Variants in GPC5 observed in about 807,000 individuals in gnomAD.
GPC5 encodes glypican 5.
In GPC5, 47 loss-of-function variants were observed where a neutral mutation model predicts 53.9. The observed-to-expected ratio is 0.87, with a 90% CI of 0.69 to 1.11. GPC5 has a LOEUF of 1.11. GPC5 is among the 50% of genes most tolerant of loss of function. GPC5 has a pLI of 0.00. For missense variants in GPC5, 748 were observed against 713.1 expected (o/e 1.05, Z -0.56); for synonymous variants, 286 against 263.3 (o/e 1.09, Z -0.84).
At chr13:92,494,054 GT>G (rs10589362) in intron 7 of GPC5, among the ~76,000 whole-genome samples, 435 of 148,552 alleles carry the variant, frequency 2.9e-3, no homozygotes, top group Non-Finnish European at 5.2e-3. Flanking sequence ...ATTACTTTGT[GT>G]TTTTTTTTGT....
chr13:91,489,582 T>C (rs896731805), intron 2 of GPC5, among the ~76,000 whole-genome samples: 2 of 152,242 alleles, frequency 1.3e-5, no homozygotes, highest in African/African-American at 2.4e-5. Context: ...TAGTGAATGT[T>C]CATAGAAACC....
In GPC5 at chr13:91,407,925, C is replaced by G. The variant is rs78986342; in HGVS notation, c.163+8716C>G. 2.8e-3 allele frequency among the ~76,000 whole-genome samples: 419 copies of G among 152,136 alleles called. 2 individuals are homozygous for G. Among genetic ancestry groups the G allele is most frequent in the African/African-American group, 9.4e-3 (392 of 41,486 alleles). ...TCTTTTTAAAAAATTTATTTTAAAT[C>G]GACAGATAAAATTGGGTGTATTTAC... On this transcript the variant is annotated intron_variant, in intron 1 of 7. Transcript: ENST00000377067.
At chr13:91,575,621 C>T (rs188918511) in intron 2 of GPC5, among the ~76,000 whole-genome samples, 142 of 152,104 alleles carry the variant, frequency 9.3e-4, no homozygotes, top group East Asian at 3.3e-3. Context: ...TGCTGTATGA[C>T]GTTTAATTCA....
At chr13:92,434,395 T>G (rs1473176386) in intron 7 of GPC5, among the ~76,000 whole-genome samples, 1 of 152,078 alleles carries the variant, frequency 6.6e-6, no homozygotes, top group Non-Finnish European at 1.5e-5. Context: ...CAATAGAATG[T>G]TTTTTTCTTC....
intron 7 of GPC5, among the ~76,000 whole-genome samples, chr13:92,513,429 G>A (rs1344202096): frequency 6.6e-6 from 1 of 150,548 alleles, no homozygotes; most frequent in East Asian, 2.0e-4. Context: ...CTGTTCCTGT[G>A]TATTTTTCCA....
At chr13:92,265,522 T>C (rs890429297) in intron 7 of GPC5, among the ~76,000 whole-genome samples, 81 of 152,302 alleles carry the variant, frequency 5.3e-4, no homozygotes, top group African/African-American at 1.9e-3. Flanking sequence ...TGGCCTTTCC[T>C]GTCCACATTT....
At chr13:92,305,141 T>G (rs1229637252) in intron 7 of GPC5, among the ~76,000 whole-genome samples, 1 of 152,168 alleles carries the variant, frequency 6.6e-6, no homozygotes, top group Non-Finnish European at 1.5e-5. Context: ...AATGTCCTAT[T>G]GTCATCAGAA....
intron 1 of GPC5, among the ~76,000 whole-genome samples, chr13:91,439,486 T>A (rs964605954): frequency 3.9e-5 from 6 of 152,272 alleles, no homozygotes; most frequent in Non-Finnish European, 8.8e-5. Flanking sequence ...AGTTTATATT[T>A]TCAATCTGCA....
In GPC5 at chr13:92,675,140, T is replaced by A. The variant is rs1344119801; in HGVS notation, c.1562-191142T>A. Reference sequence around the variant, plus strand: ...TTTAGATAGGAATATCTGATATATATCTTTCAGAAATTATCAGAGAGTTAT... The same window carrying A: ...TTTAGATAGGAATATCTGATATATAACTTTCAGAAATTATCAGAGAGTTAT... On this transcript the variant is annotated intron_variant, in intron 7 of 7. Coordinates refer to ENST00000377067, the MANE Select transcript of GPC5 (RefSeq NM_004466.6). 4.0e-5 allele frequency among the ~76,000 whole-genome samples: 6 copies of A among 148,462 alleles called. No individual in the cohort carries two copies. In the South Asian group the frequency reaches 8.9e-4, roughly 22 times the overall value.
intron 7 of GPC5, among the ~76,000 whole-genome samples, chr13:92,758,973 G>A (rs1419061248): frequency 7.6e-6 from 1 of 131,328 alleles, no homozygotes; most frequent in African/African-American, 2.9e-5. Context: ...TTTTTCCAGA[G>A]AATATCCTTT....
chr13:92,624,327 C>T (rs771731352), intron 7 of GPC5, among the ~76,000 whole-genome samples: 27 of 152,146 alleles, frequency 1.8e-4, no homozygotes, highest in Non-Finnish European at 4.0e-4. Context: ...GCCTCGGCCT[C>T]CCAAAATGCT....
chr13:92,771,457 C>T (rs1344534759), intron 7 of GPC5, among the ~76,000 whole-genome samples: 1 of 152,110 alleles, frequency 6.6e-6, no homozygotes, highest in Non-Finnish European at 1.5e-5. Context: ...AATTCTATGC[C>T]TCAGTCTCCG....
intron 2 of GPC5, among the ~76,000 whole-genome samples, chr13:91,537,506 G>A (rs761995323): frequency 5.3e-5 from 8 of 152,166 alleles, no homozygotes; most frequent in Non-Finnish European, 1.2e-4. Flanking sequence ...CCTAGAACAA[G>A]TAAAGAGATT....
chr13:92,372,122 C>T (rs980042612), intron 7 of GPC5, among the ~76,000 whole-genome samples: 3 of 152,146 alleles, frequency 2.0e-5, no homozygotes, highest in Admixed American at 6.6e-5. Flanking sequence ...ACAGCCCTGC[C>T]GACACTGAGT....
intron 7 of GPC5, among the ~76,000 whole-genome samples, chr13:92,851,182 A>C (rs191515212): frequency 1.4e-3 from 217 of 152,174 alleles, no homozygotes; most frequent in African/African-American, 5.0e-3. Flanking sequence ...CCAAGGGGGA[A>C]ATCTGCCCCC....
At chr13:91,918,196 C>T (rs1301628715) in intron 6 of GPC5, among the ~76,000 whole-genome samples, 2 of 152,102 alleles carry the variant, frequency 1.3e-5, no homozygotes, top group Non-Finnish European at 2.9e-5. Flanking sequence ...CCATCAGACC[C>T]ATGAGACTCA....
At chr13:91,502,483 T>C (rs550343380) in intron 2 of GPC5, among the ~76,000 whole-genome samples, 1 of 152,270 alleles carries the variant, frequency 6.6e-6, no homozygotes, top group African/African-American at 2.4e-5. Context: ...AGGGGAGTAG[T>C]GTTACTTTGC....
chr13:92,645,768 C>T (rs1885748065), intron 7 of GPC5, among the ~76,000 whole-genome samples: 2 of 152,004 alleles, frequency 1.3e-5, no homozygotes, highest in Admixed American at 6.6e-5. Context: ...TTGCATTCCC[C>T]TGATGATTAA....
chr13:92,156,110 C>A (rs1400273548), intron 7 of GPC5, among the ~76,000 whole-genome samples: 2 of 152,084 alleles, frequency 1.3e-5, no homozygotes, highest in Non-Finnish European at 2.9e-5. Flanking sequence ...AATATGGTGG[C>A]TTGTTTTCTA....
Sources: gnomAD v4.1 joint callset for allele counts (sites outside exome capture counted in the v4.1 genomes callset) on GRCh38, gnomAD v4.1.1 for gene constraint, MANE v1.5 for transcripts, NCBI Gene and HGNC (gene_info 2026-07-23, HGNC 2026-07-21) for gene names.